ERC2: variants seen among roughly 807,000 people sequenced by gnomAD.
ERC2 encodes ELKS/RAB6-interacting/CAST family member 2.
Under a neutral mutation model 114.8 loss-of-function variants are expected in ERC2, and 42 were observed. The ratio of observed to expected loss-of-function variants is 0.37; its 90% CI spans 0.29 to 0.47. The LOEUF is 0.47. Among genes scored for constraint, ERC2 ranks in the 20% least tolerant of loss-of-function variants. ERC2 has a pLI of 0.99. For missense variants in ERC2, 939 were observed against 1,150.7 expected (o/e 0.82, Z 2.66); for synonymous variants, 454 against 425.5 (o/e 1.07, Z -0.82).
chr3:56,286,769 TA>T (rs11457394), intron 3 of ERC2, among the ~76,000 whole-genome samples: 2,414 of 145,812 alleles, frequency 0.017, 16 homozygotes, highest in Non-Finnish European at 0.025. Flanking sequence ...CCAGGCCATT[TA>T]AAAAAAAAAA....
At chr3:56,084,932 A>G (rs2077428098) in intron 6 of ERC2, among the ~76,000 whole-genome samples, 2 of 151,968 alleles carry the variant, frequency 1.3e-5, no homozygotes, top group Admixed American at 1.3e-4. Context: ...AAAAAAGTCA[A>G]TAGGAACAAT....
intron 14 of ERC2, among the ~76,000 whole-genome samples, chr3:55,784,504 T>G (rs368616308): frequency 6.6e-6 from 1 of 152,186 alleles, no homozygotes; most frequent in Non-Finnish European, 1.5e-5. Context: ...CCTTGTGACG[T>G]TGAAATTCTT....
At chr3:55,643,604 T>C (rs1240786403) in intron 17 of ERC2, among the ~76,000 whole-genome samples, 6 of 152,212 alleles carry the variant, frequency 3.9e-5, no homozygotes, top group African/African-American at 1.2e-4. Context: ...TCCTACCTCA[T>C]AGGGTTATCA....
intron 17 of ERC2, among the ~76,000 whole-genome samples, chr3:55,541,402 C>T (rs575485085): frequency 4.6e-5 from 7 of 152,336 alleles, no homozygotes; most frequent in Admixed American, 3.9e-4. Flanking sequence ...TGTCAAATCA[C>T]GCCATTGGTG....
intron 17 of ERC2, among the ~76,000 whole-genome samples, chr3:55,582,706 A>C (rs1255758089): frequency 6.6e-6 from 1 of 152,198 alleles, no homozygotes; most frequent in Non-Finnish European, 1.5e-5. Flanking sequence ...TAAAGGAGTA[A>C]ACTCTGTCTT....
rs935033614 is a variant in ERC2 at position 55,539,569 on chromosome 3, C to A, written c.*40-28293G>T. Among the ~76,000 whole-genome samples the A allele has an allele frequency of 2.0e-5, 3 of 151,378 alleles. No individual in the cohort carries two copies. The East Asian group carries it at 5.8e-4, about 29-fold the overall frequency. On this transcript the variant is annotated intron_variant, in intron 17 of 17. Coordinates refer to ENST00000288221, the MANE Select transcript of ERC2 (RefSeq NM_015576.3). ...TCCCGAGTAGTTGGGACTACAGACG[C>A]CTGCCACCATACCAGGCTGATTTGT...
intron 7 of ERC2, among the ~76,000 whole-genome samples, chr3:56,032,917 A>AAGAGAGAGAGAGAGAC (rs2074481749): frequency 4.1e-4 from 31 of 75,956 alleles, no homozygotes; most frequent in Non-Finnish European, 6.4e-4. Flanking sequence ...GAAAGAAAGA[A>AAGAGAGAGAGAGAGAC]AGAAAGAAAG....
chr3:55,613,982 C>CAA (rs60242810), intron 17 of ERC2, among the ~76,000 whole-genome samples: 24 of 62,276 alleles, frequency 3.9e-4, no homozygotes, highest in African/African-American at 9.0e-4. Context: ...GACTTCCTCT[C>CAA]AAAAAAAAAA....
In ERC2 at chr3:55,997,003, T is replaced by C. The variant is rs17216482; in HGVS notation, c.2062-4753A>G. Reference sequence around the variant, plus strand: ...TGGTCATTGATTATTTCCAATAAAATGGCAGTTCATCAATCCAGATCCCTA... The same window carrying C: ...TGGTCATTGATTATTTCCAATAAAACGGCAGTTCATCAATCCAGATCCCTA... On this transcript the variant is annotated intron_variant, in intron 10 of 17. Coordinates refer to ENST00000288221, the MANE Select transcript of ERC2 (RefSeq NM_015576.3). Among the ~76,000 whole-genome samples the C allele has an allele frequency of 3.1e-3, 466 of 152,312 alleles. 17 individuals are homozygous for C. In the South Asian group the frequency reaches 0.085, roughly 28 times the overall value.
intron 2 of ERC2, among the ~76,000 whole-genome samples, chr3:56,423,254 C>A (rs2061450042): frequency 6.6e-6 from 1 of 152,192 alleles, no homozygotes; most frequent in Non-Finnish European, 1.5e-5. Context: ...GAAAGTAAAG[C>A]ACTGAGTGAA....
chr3:56,309,057 G>GACAA (rs1316249105), intron 2 of ERC2, among the ~76,000 whole-genome samples: 4 of 152,182 alleles, frequency 2.6e-5, no homozygotes, highest in Non-Finnish European at 1.5e-5. Flanking sequence ...TGTGTGAAAA[G>GACAA]ACAAACAGCA....
chr3:55,630,199 C>A (rs982891206), intron 17 of ERC2, among the ~76,000 whole-genome samples: 1 of 152,168 alleles, frequency 6.6e-6, no homozygotes, highest in East Asian at 1.9e-4. Context: ...GACGGAGTTT[C>A]GCTCTTGTCG....
rs552575186 is a variant in ERC2, at chr3:55,886,050, C to G, written c.2564+2339G>C. Among the ~76,000 whole-genome samples, 4 of 152,222 alleles carry G rather than the reference C, an allele frequency of 2.6e-5. No homozygotes were observed. The East Asian group carries it at 7.7e-4, about 29-fold the overall frequency. The stretch of plus-strand genomic sequence containing the variant: ...TTTATAATAGCATAATAAATCACTT[C>G]AGGAGATGGAGAGTTAACTTGAGAA... On this transcript the variant is annotated intron_variant, in intron 14 of 17. Coordinates refer to ENST00000288221, the MANE Select transcript of ERC2 (RefSeq NM_015576.3).
chr3:56,000,153 G>T (rs1040686470), intron 10 of ERC2, among the ~76,000 whole-genome samples: 1 of 151,934 alleles, frequency 6.6e-6, no homozygotes, highest in Non-Finnish European at 1.5e-5. Context: ...TGGATAATTA[G>T]TTGATAATTT....
chr3:56,383,444 T>G (rs1263372194), intron 2 of ERC2, among the ~76,000 whole-genome samples: 1 of 152,198 alleles, frequency 6.6e-6, no homozygotes, highest in Non-Finnish European at 1.5e-5. Context: ...CTATAATTAT[T>G]GTCTGTATGC....
intron 14 of ERC2, among the ~76,000 whole-genome samples, chr3:55,785,785 T>A (rs1347192187): frequency 1.3e-5 from 2 of 152,210 alleles, no homozygotes; most frequent in African/African-American, 4.8e-5. Context: ...TCTTTTCTCC[T>A]GCCCCGCTGA....
intron 2 of ERC2, among the ~76,000 whole-genome samples, chr3:56,433,570 T>A (rs1413656662): frequency 1.3e-5 from 2 of 152,254 alleles, no homozygotes; most frequent in African/African-American, 4.8e-5. Flanking sequence ...GGCCCAGGCC[T>A]TCTAGTAGAA....
At chr3:56,443,958 A>T (rs1442520029) in intron 1 of ERC2, among the ~76,000 whole-genome samples, 42 of 80,234 alleles carry the variant, frequency 5.2e-4, no homozygotes, top group African/African-American at 8.4e-4. Context: ...AATACCTACA[A>T]TTTTTTTTTT....
chr3:56,195,245 G>A (rs530934209), intron 3 of ERC2, among the ~76,000 whole-genome samples: 1 of 152,270 alleles, frequency 6.6e-6, no homozygotes, highest in African/African-American at 2.4e-5. Flanking sequence ...GGCATAGACA[G>A]CATGGAGACC....
Sources: gnomAD v4.1 joint callset for allele counts (sites outside exome capture counted in the v4.1 genomes callset) on GRCh38, gnomAD v4.1.1 for gene constraint, MANE v1.5 for transcripts, NCBI Gene and HGNC (gene_info 2026-07-23, HGNC 2026-07-21) for gene names.